SGK3: variants seen among roughly 807,000 people sequenced by gnomAD.
SGK3 encodes the protein serine/threonine-protein kinase Sgk3.
Under a neutral mutation model 68.5 loss-of-function variants are expected in SGK3, and 47 were observed. That is an observed-to-expected ratio of 0.69 (90% CI 0.54 to 0.87). SGK3 has a LOEUF of 0.87. SGK3 is among the 40% of genes least tolerant of loss of function. SGK3 has a pLI of 0.00. For synonymous variants in SGK3, 181 were observed against 189.1 expected (o/e 0.96, Z 0.35); for missense variants, 479 against 575.5 (o/e 0.83, Z 1.72).
intron 1 of SGK3, among the ~76,000 whole-genome samples, chr8:66,730,379 A>T (rs187277516): frequency 1.3e-3 from 197 of 152,044 alleles, no homozygotes; most frequent in Non-Finnish European, 5.3e-4. Flanking sequence ...TAATTTACAA[A>T]TTTTTTTTAT....
chr8:66,724,948 T>C (rs1804934601), intron 1 of SGK3, among the ~76,000 whole-genome samples: 1 of 152,042 alleles, frequency 6.6e-6, no homozygotes, highest in Non-Finnish European at 1.5e-5. Flanking sequence ...AAAAATTGGC[T>C]GGGCACGGTG....
intron 1 of SGK3, among the ~76,000 whole-genome samples, chr8:66,789,144 AT>A (rs1025608766): frequency 1.3e-5 from 2 of 151,968 alleles, no homozygotes; most frequent in African/African-American, 4.8e-5. Flanking sequence ...AAAACACTAC[AT>A]TTAGAATCTC....
At chr8:66,763,471 G>T (rs1460211863) in intron 1 of SGK3, among the ~76,000 whole-genome samples, 3 of 152,092 alleles carry the variant, frequency 2.0e-5, no homozygotes, top group African/African-American at 7.2e-5. Flanking sequence ...TCTGCTGCAG[G>T]TCTGCAATCA....
chr8:66,815,974 A>C (rs1308517865), intron 5 of SGK3, among the ~76,000 whole-genome samples: 2 of 152,092 alleles, frequency 1.3e-5, no homozygotes, highest in African/African-American at 4.8e-5. Context: ...TATTTCCAGC[A>C]CCCCAAAAAT....
intron 8 of SGK3, among the ~76,000 whole-genome samples, chr8:66,833,472 C>T (rs1377343480): frequency 1.3e-5 from 2 of 152,164 alleles, no homozygotes; most frequent in African/African-American, 4.8e-5. Context: ...AGAGACTATT[C>T]TTAGCCCTTT....
At chr8:66,836,999 A>G (rs921932671) in intron 10 of SGK3, among the ~76,000 whole-genome samples, 1 of 152,206 alleles carries the variant, frequency 6.6e-6, no homozygotes, top group African/African-American at 2.4e-5. Context: ...TGCTATTACA[A>G]TAATTACAAT....
chr8:66,834,370 G>A (rs927107886), intron 8 of SGK3, among the ~76,000 whole-genome samples: 8 of 152,222 alleles, frequency 5.3e-5, no homozygotes, highest in Non-Finnish European at 1.2e-4. Flanking sequence ...TGTGTTATTT[G>A]AAGTTGACAT....
At chr8:66,759,080 C>CTTTTTTTTTTTTTTTTTTTTTTTTTT (rs752312636) in intron 1 of SGK3, among the ~76,000 whole-genome samples, 1 of 140,410 alleles carries the variant, frequency 7.1e-6, no homozygotes, top group Non-Finnish European at 1.6e-5. Context: ...TTCTTTTCTT[C>CTTTTTTTTTTTTTTTTTTTTTTTTTT]TTTTTTTTTT....
intron 1 of SGK3, among the ~76,000 whole-genome samples, chr8:66,721,443 A>G (rs1217637166): frequency 6.6e-6 from 1 of 152,212 alleles, no homozygotes; most frequent in Non-Finnish European, 1.5e-5. Flanking sequence ...CTTAAGCAAA[A>G]TGGATACTAA....
chr8:66,721,292 G>A (rs1028417694), intron 1 of SGK3, among the ~76,000 whole-genome samples: 4 of 152,128 alleles, frequency 2.6e-5, no homozygotes, highest in Non-Finnish European at 5.9e-5. Flanking sequence ...TAGCAGGTGT[G>A]GGCTCCTGCA....
At chr8:66,713,218 C>T (rs1412719883) in intron 1 of SGK3, among the ~76,000 whole-genome samples, 2 of 152,198 alleles carry the variant, frequency 1.3e-5, no homozygotes, top group East Asian at 3.9e-4. Flanking sequence ...AATCGTTTAA[C>T]CTGTTGTCAG....
chr8:66,831,427 A>T, intron 8 of SGK3, 116 bp downstream of exon 8: 4 of 1,245,180 alleles, frequency 3.2e-6, no homozygotes, highest in Admixed American at 2.1e-5. Flanking sequence ...GCACACTTGA[A>T]CTCCTGGGCT....
At chr8:66,760,021 T>C (rs1166048901) in intron 1 of SGK3, among the ~76,000 whole-genome samples, 1 of 152,212 alleles carries the variant, frequency 6.6e-6, no homozygotes, top group Non-Finnish European at 1.5e-5. Flanking sequence ...GAGTGGATTT[T>C]TGATGCATGC....
At position 66,816,337 on chromosome 8, in the gene SGK3, C is replaced by CTTTTTT. The variant is rs1177867449; in HGVS notation, c.329+2424_329+2429dup. Among the ~76,000 whole-genome samples, 26 of 114,106 alleles carry CTTTTTT rather than the reference C, an allele frequency of 2.3e-4. 1 individual carries two copies. Among genetic ancestry groups the CTTTTTT allele is most frequent in the African/African-American group, 3.9e-4 (11 of 28,372 alleles). The allele number at this position is 114,106 out of a possible 152,430, so 74.9% of individuals were successfully genotyped here. On this transcript the variant is annotated intron_variant, in intron 5 of 16. Transcript: ENST00000521198. Reference sequence around the variant, plus strand: ...TCTTTTTAGCAAAATGTGACATTTCCTTTTTTTTTTTTTTTTTTTTGTGTG... The same window carrying CTTTTTT: ...TCTTTTTAGCAAAATGTGACATTTCCTTTTTTTTTTTTTTTTTTTTTTTTTTGTGTG...
At chr8:66,788,043 C>T (rs1807281469) in intron 1 of SGK3, among the ~76,000 whole-genome samples, 1 of 152,212 alleles carries the variant, frequency 6.6e-6, no homozygotes, top group East Asian at 1.9e-4. Flanking sequence ...GGTGCCAGCA[C>T]ACTGTGCATG....
At chr8:66,812,601 C>T (rs1028444305) in intron 4 of SGK3, among the ~76,000 whole-genome samples, 22 of 151,462 alleles carry the variant, frequency 1.5e-4, no homozygotes, top group Non-Finnish European at 2.2e-4. Context: ...GCTTTTAGAC[C>T]GCCCCAACCA....
intron 15 of SGK3, 106 bp from the exon 16 acceptor site, chr8:66,850,725 A>C: frequency 2.0e-6 from 2 of 1,009,398 alleles, no homozygotes; most frequent in Admixed American, 2.7e-5. Flanking sequence ...TCCTAAAAAG[A>C]GTTATTGAGG....
intron 1 of SGK3, chr8:66,777,997 A>G (rs1806779730): frequency 6.6e-6 from 1 of 152,256 alleles, no homozygotes; most frequent in East Asian, 1.9e-4. Context: ...GCCTGTTTCT[A>G]GTGAGGACTT....
chr8:66,799,709 C>T (rs112820752), intron 3 of SGK3, among the ~76,000 whole-genome samples: 3,116 of 152,278 alleles, frequency 0.02, 111 homozygotes, highest in African/African-American at 0.07. Context: ...GCAACCTCTG[C>T]CTCCCATGTT....
Sources: allele counts gnomAD v4.1 joint callset (sites outside exome capture counted in the v4.1 genomes callset), GRCh38; gene constraint gnomAD v4.1.1; transcripts MANE v1.5; gene names NCBI Gene and HGNC (gene_info 2026-07-23, HGNC 2026-07-21).